SLAIN2: variants seen among roughly 807,000 people sequenced by gnomAD.
The protein encoded by SLAIN2 is SLAIN motif-containing protein 2.
A neutral mutation model predicts 56.6 loss-of-function variants in SLAIN2; 31 were observed. That is an observed-to-expected ratio of 0.55 (90% confidence interval 0.41 to 0.74). The LOEUF is 0.74. Ranked by LOEUF, SLAIN2 falls within the 30% of genes least tolerant of loss-of-function variation. SLAIN2 has a pLI of 0.00. For missense variants in SLAIN2, 777 were observed against 754.2 expected (o/e 1.03, Z -0.35); for synonymous variants, 317 against 284.9 (o/e 1.11, Z -1.13).
At chr4:48,397,174 T>C (rs1222288047) in intron 6 of SLAIN2, among the ~76,000 whole-genome samples, 1 of 152,182 alleles carries the variant, frequency 6.6e-6, no homozygotes, top group African/African-American at 2.4e-5. Flanking sequence ...AAATGAAGAC[T>C]AATTAGACAA....
At position 48,425,683 on chromosome 4, in the gene SLAIN2, C is replaced by T. The variant is rs1185304877; in HGVS notation, c.*3606C>T. On this transcript the variant is annotated 3_prime_UTR_variant, in exon 8 of 8. Coordinates refer to ENST00000264313, the MANE Select transcript of SLAIN2 (RefSeq NM_020846.2). Reference sequence around the variant, plus strand: ...AAGAGCCATTTAAAATTAAATGTCACTATACTTGTATTATAAATCAATACA... The same window carrying T: ...AAGAGCCATTTAAAATTAAATGTCATTATACTTGTATTATAAATCAATACA... 6.6e-6 allele frequency: 1 copy of T among 152,106 alleles called. No individual in the cohort carries two copies. The highest frequency in any genetic ancestry group is 1.9e-4 in the East Asian group (1 of 5,204). The allele number at this position is 152,106 out of a possible 1,614,324, so 9.4% of individuals were successfully genotyped here.
At chr4:48,377,576 T>G (rs2109759055) in intron 2 of SLAIN2, among the ~76,000 whole-genome samples, 1 of 152,244 alleles carries the variant, frequency 6.6e-6, no homozygotes, top group East Asian at 1.9e-4. Flanking sequence ...TAAAGGTCAC[T>G]CAGGATTGAT....
chr4:48,383,575 A>T, intron 5 of SLAIN2, 72 bp from the exon 6 acceptor site: 2 of 1,241,408 alleles, frequency 1.6e-6, no homozygotes, highest in Non-Finnish European at 1.1e-6. Flanking sequence ...TTGATTTTTG[A>T]ATGCTAGTTA....
chr4:48,379,885 C>T, intron 4 of SLAIN2, 37 bp downstream of exon 4: 1 of 1,427,734 alleles, frequency 7.0e-7, no homozygotes, highest in Admixed American at 2.7e-5. Context: ...AGGTTTTTTA[C>T]TATTGCATAA....
intron 1 of SLAIN2, among the ~76,000 whole-genome samples, chr4:48,363,981 C>CCCCCCG (rs1715431786): frequency 7.7e-6 from 1 of 129,478 alleles, no homozygotes; most frequent in Non-Finnish European, 1.7e-5. Flanking sequence ...GGCTGACCCC[C>CCCCCCG]CCCACCTCCC....
At chr4:48,365,469 C>CT (rs1715490365) in intron 1 of SLAIN2, among the ~76,000 whole-genome samples, 1 of 141,848 alleles carries the variant, frequency 7.0e-6, no homozygotes, top group Non-Finnish European at 1.5e-5. Context: ...AAAAAAAGCA[C>CT]TTTTTCCCCC....
At chr4:48,391,108 G>A (rs1355105022) in intron 6 of SLAIN2, among the ~76,000 whole-genome samples, 1 of 152,122 alleles carries the variant, frequency 6.6e-6, no homozygotes, top group Non-Finnish European at 1.5e-5. Context: ...ACAGAATTGA[G>A]GCAACTCCAA....
chr4:48,388,042 T>C (rs1284010740), intron 6 of SLAIN2, among the ~76,000 whole-genome samples: 3 of 152,184 alleles, frequency 2.0e-5, no homozygotes, highest in Non-Finnish European at 4.4e-5. Flanking sequence ...AACCTAACTT[T>C]GCAAGGTTGC....
intron 6 of SLAIN2, among the ~76,000 whole-genome samples, chr4:48,396,826 A>G (rs973385828): frequency 6.6e-6 from 1 of 152,214 alleles, no homozygotes; most frequent in Non-Finnish European, 1.5e-5. Flanking sequence ...AGTCACTTTG[A>G]TTTTAATTGC....
chr4:48,383,828 GA>G, intron 6 of SLAIN2, 44 bp downstream of exon 6: 2 of 1,558,934 alleles, frequency 1.3e-6, no homozygotes, highest in South Asian at 1.2e-5. Context: ...TATTTAAAGA[GA>G]AGTGAAAATT....
chr4:48,363,705 G>T (rs1325675964), intron 1 of SLAIN2, among the ~76,000 whole-genome samples: 2 of 115,510 alleles, frequency 1.7e-5, no homozygotes, highest in Non-Finnish European at 1.9e-5. Context: ...GGGCAGAGGC[G>T]CCCCTCACCT....
chr4:48,383,850 GTTTTATGCTGAAAAACCGTT>G (rs778536768), intron 6 of SLAIN2, 66 bp downstream of exon 6: 248 of 1,505,442 alleles, frequency 1.6e-4, no homozygotes, highest in Middle Eastern at 1.6e-3. Context: ...TTAGATATTT[GTTTTATGCTGAAAAACCGTT>G]TTTTATGCTG....
At chr4:48,401,940 G>C (rs1291019168) in intron 6 of SLAIN2, among the ~76,000 whole-genome samples, 3 of 152,168 alleles carry the variant, frequency 2.0e-5, no homozygotes, top group Non-Finnish European at 4.4e-5. Context: ...GCTTCCTTCA[G>C]GAGCTCTTGC....
Position 48,420,316 on chromosome 4 carries a change from A to G in SLAIN2, c.1552A>G (p.Ile518Val), listed in dbSNP as rs373845605. 12 of 1,613,956 alleles carry G rather than the reference A, an allele frequency of 7.4e-6. No homozygotes were observed. The highest frequency in any genetic ancestry group is 1.6e-4 in the Middle Eastern group (1 of 6,062). The change falls in exon 7 of 8, where the codon ATC becomes GTC. Residue 518 changes from isoleucine (I) to valine (V), a missense_variant. Physicochemically the swap from Ile to Val is conservative, Grantham distance 29. Transcript: ENST00000264313. ...STVSANPPSN[I>V]NSATLTRPAG... ...AGTCTCAGCAAATCCTCCCAGCAAT[A>G]TCAACAGCGCTACTCTAACCAGACC...
At chr4:48,356,011 C>T (rs1430014679) in intron 1 of SLAIN2, among the ~76,000 whole-genome samples, 1 of 151,744 alleles carries the variant, frequency 6.6e-6, no homozygotes, top group East Asian at 1.9e-4. Flanking sequence ...GTATCTTTTC[C>T]AAGATAATTT....
chr4:48,418,515 A>G (rs1717059386), intron 6 of SLAIN2, among the ~76,000 whole-genome samples: 1 of 152,138 alleles, frequency 6.6e-6, no homozygotes, highest in Non-Finnish European at 1.5e-5. Context: ...TAGTCATGGC[A>G]TATAAATCTA....
At chr4:48,401,519 T>C (rs1440697605) in intron 6 of SLAIN2, among the ~76,000 whole-genome samples, 1 of 152,252 alleles carries the variant, frequency 6.6e-6, no homozygotes, top group East Asian at 1.9e-4. Context: ...AAAAACCCTT[T>C]ACCGTATGTA....
At chr4:48,412,847 G>A (rs941302253) in intron 6 of SLAIN2, among the ~76,000 whole-genome samples, 2 of 152,022 alleles carry the variant, frequency 1.3e-5, no homozygotes, top group Admixed American at 6.6e-5. Flanking sequence ...ATTTTTATAT[G>A]CTTTGGAGTC....
intron 6 of SLAIN2, among the ~76,000 whole-genome samples, chr4:48,389,293 A>T (rs534512788): frequency 1.3e-5 from 2 of 152,184 alleles, no homozygotes; most frequent in South Asian, 2.1e-4. Flanking sequence ...AGGGACCCAG[A>T]TTGTGTATTT....
Sources: gnomAD v4.1 joint callset for allele counts (sites outside exome capture counted in the v4.1 genomes callset) on GRCh38, gnomAD v4.1.1 for gene constraint, MANE v1.5 for transcripts, NCBI Gene and HGNC (gene_info 2026-07-23, HGNC 2026-07-21) for gene names.